ANK2: variants seen among roughly 807,000 people sequenced by gnomAD.
ANK2 encodes the protein ankyrin 2.
ANK2 carries 83 observed loss-of-function variants against 360.5 expected under a neutral mutation model. The ratio of observed to expected loss-of-function variants is 0.23; its 90% confidence interval spans 0.19 to 0.28. The LOEUF (loss-of-function observed/expected upper bound fraction) is 0.28, where lower values mean the gene tolerates loss of function less well. Among genes scored for constraint, ANK2 ranks in the 10% least tolerant of loss-of-function variants. The pLI is 1.00. For missense variants in ANK2, 4,201 were observed against 4,795.7 expected (o/e 0.88, Z 3.66); for synonymous variants, 1,740 against 1,759.5 (o/e 0.99, Z 0.28).
At chr4:112,757,023 T>G in the ANK2 span, among the ~76,000 whole-genome samples, 2 of 151,826 alleles carry the variant, frequency 1.3e-5, no homozygotes, top group Non-Finnish European at 2.9e-5. Flanking sequence ...AACTCATGAG[T>G]GCCATCACTT....
intron 2 of ANK2, among the ~76,000 whole-genome samples, chr4:112,964,718 C>T (rs571512989): frequency 3.3e-5 from 5 of 151,886 alleles, no homozygotes; most frequent in Non-Finnish European, 5.9e-5. Context: ...TACAGGCGCC[C>T]GCCACCACGC....
chr4:113,105,923 C>G (rs955310408), intron 1 of ANK2, among the ~76,000 whole-genome samples: 5 of 152,168 alleles, frequency 3.3e-5, no homozygotes, highest in Non-Finnish European at 7.3e-5. Context: ...TAAGAGAAAT[C>G]CTTAACCCCA....
At chr4:112,933,919 A>C (rs1165232034) in intron 2 of ANK2, among the ~76,000 whole-genome samples, 1 of 149,942 alleles carries the variant, frequency 6.7e-6, no homozygotes, top group South Asian at 2.1e-4. Context: ...TTTTTTTTTG[A>C]GAAGCAAATT....
chr4:113,308,024 G>C (rs1209555701), intron 23 of ANK2, among the ~76,000 whole-genome samples: 1 of 152,074 alleles, frequency 6.6e-6, no homozygotes, highest in Non-Finnish European at 1.5e-5. Context: ...TTCATTTTAG[G>C]TTTGTTCTAT....
rs1430436140 is a variant in ANK2 at position 112,846,891 on chromosome 4, G to A, written c.-40+28627G>A. 5.9e-5 allele frequency among the ~76,000 whole-genome samples: 9 copies of A among 151,998 alleles called. No individual in the cohort carries two copies. In the South Asian group the frequency reaches 8.3e-4, roughly 14 times the overall value. ...TGTGTTATCCTTATCTACAAAATCC[G>A]GAGTAGTTTAGCAGCACCATGTCTG... is the stretch of plus-strand genomic sequence containing the variant. On this transcript the variant is annotated intron_variant, in intron 1 of 30. Coordinates refer to the ANK2 transcript ENST00000503271.
chr4:112,805,174 CTGTT>C, the ANK2 span, among the ~76,000 whole-genome samples: 1 of 152,092 alleles, frequency 6.6e-6, no homozygotes, highest in East Asian at 1.9e-4. Context: ...AGTCAGACCA[CTGTT>C]TGTAGGAAAA....
At chr4:113,369,876 G>A (rs1210888053) in intron 43 of ANK2, 71 bp downstream of exon 43, 1 of 1,603,334 alleles carries the variant, frequency 6.2e-7, no homozygotes, top group Non-Finnish European at 8.5e-7. Context: ...CCATTTCTAT[G>A]ATGGTTTATT....
intron 1 of ANK2, among the ~76,000 whole-genome samples, chr4:113,092,478 T>TTA (rs113909186): frequency 0.13 from 19,074 of 152,098 alleles, 1,549 homozygotes; most frequent in African/African-American, 0.23. Context: ...GAAGCGGAAT[T>TTA]TATATTTACA....
intron 1 of ANK2, among the ~76,000 whole-genome samples, chr4:113,079,718 G>T (rs1307122014): frequency 1.7e-5 from 1 of 58,646 alleles, no homozygotes; most frequent in Non-Finnish European, 4.2e-5. Flanking sequence ...CAGTGATCTT[G>T]TTGGAGGAAA....
chr4:113,044,205 A>G (rs1196298975), intron 2 of ANK2, among the ~76,000 whole-genome samples: 1 of 152,190 alleles, frequency 6.6e-6, no homozygotes, highest in Non-Finnish European at 1.5e-5. Flanking sequence ...CGCATGAGAA[A>G]AAGTTACTTG....
chr4:113,066,309 G>A (rs2075595358), intron 1 of ANK2, among the ~76,000 whole-genome samples: 1 of 152,156 alleles, frequency 6.6e-6, no homozygotes, highest in Non-Finnish European at 1.5e-5. Flanking sequence ...AATTACTATG[G>A]TACTCTTATT....
At chr4:113,309,402 G>C (rs1275812912) in intron 23 of ANK2, among the ~76,000 whole-genome samples, 1 of 152,170 alleles carries the variant, frequency 6.6e-6, no homozygotes, top group Non-Finnish European at 1.5e-5. Context: ...AGCAGCCTTA[G>C]GCAGATAGCA....
intron 1 of ANK2, among the ~76,000 whole-genome samples, chr4:112,862,478 G>T (rs1045422245): frequency 2.0e-5 from 3 of 152,010 alleles, no homozygotes; most frequent in African/African-American, 7.3e-5. Flanking sequence ...TTAATTTTTG[G>T]AATGTTAACA....
intron 2 of ANK2, among the ~76,000 whole-genome samples, chr4:112,946,329 A>G (rs1445287370): frequency 6.6e-6 from 1 of 152,172 alleles, no homozygotes; most frequent in African/African-American, 2.4e-5. Flanking sequence ...CTGGGGAGTG[A>G]GCAAGCTGTG....
At chr4:112,999,315 C>T (rs2049758500) in intron 2 of ANK2, among the ~76,000 whole-genome samples, 1 of 151,958 alleles carries the variant, frequency 6.6e-6, no homozygotes. Context: ...GCCAAGTAAC[C>T]TTGGATATAT....
the ANK2 span, chr4:112,788,387 A>T: frequency 6.3e-7 from 1 of 1,579,846 alleles, no homozygotes. Context: ...GAAGACAGCC[A>T]GCTCGATGGG....
chr4:112,888,233 C>T (rs560693266), intron 1 of ANK2, among the ~76,000 whole-genome samples: 1 of 151,998 alleles, frequency 6.6e-6, no homozygotes, highest in African/African-American at 2.4e-5. Context: ...GGAGGCTTGT[C>T]TAGCTATATA....
Position 113,355,354 on chromosome 4 carries a change from A to G in ANK2, c.6736A>G (p.Ser2246Gly). The G allele has an allele frequency of 6.2e-7, 1 of 1,614,086 alleles. No homozygotes were observed. The highest frequency in any genetic ancestry group is 8.5e-7 in the Non-Finnish European group (1 of 1,179,978). Residue 2246 changes from serine (S) to glycine (G), a missense_variant, in exon 38 of 46, where the codon AGC becomes GGC. Physicochemically the swap from Ser to Gly is moderately conservative, Grantham distance 56 (BLOSUM62 0). Around this residue, in one of 4 missense-constraint regions of ANK2, gnomAD observed 2,642 missense variants for 2,714.5 expected, o/e 0.97. Transcript: ENST00000357077. Reference sequence around the variant, plus strand: ...AGAGACCCCTGAGACGAGCCCAGAAAGCCTTTCTTTCTCACCAAAGAAAAG... The same window carrying G: ...AGAGACCCCTGAGACGAGCCCAGAAGGCCTTTCTTTCTCACCAAAGAAAAG... ...LAETPETSPE[S>G]LSFSPKKSEE...
At chr4:113,000,186 G>A (rs780942668) in intron 2 of ANK2, among the ~76,000 whole-genome samples, 9 of 152,310 alleles carry the variant, frequency 5.9e-5, no homozygotes, top group Admixed American at 3.3e-4. Flanking sequence ...AAATATATGA[G>A]TGAAACTAAT....
Sources: gnomAD v4.1 joint callset for allele counts (sites outside exome capture counted in the v4.1 genomes callset) on GRCh38, gnomAD v4.1.1 for gene constraint, gnomAD v4.1.1 regional missense constraint, MANE v1.5 for transcripts, NCBI Gene and HGNC (gene_info 2026-07-23, HGNC 2026-07-21) for gene names.